DOCK9: variants seen among roughly 807,000 people sequenced by gnomAD.
The protein encoded by DOCK9 is dedicator of cytokinesis 9.
Under a neutral mutation model 263.3 loss-of-function variants are expected in DOCK9, and 89 were observed. The observed-to-expected ratio is 0.34, with a 90% CI of 0.28 to 0.40. The LOEUF (loss-of-function observed/expected upper bound fraction) is 0.40, where lower values mean the gene tolerates loss of function less well. Ranked by LOEUF, DOCK9 falls within the 10% of genes least tolerant of loss-of-function variation. The pLI is 1.00. For missense variants in DOCK9, 2,140 were observed against 2,603.4 expected (o/e 0.82, Z 3.87); for synonymous variants, 976 against 973.1 (o/e 1.00, Z -0.06).
chr13:98,832,709 C>T (rs542915513), intron 39 of DOCK9, among the ~76,000 whole-genome samples: 1 of 152,278 alleles, frequency 6.6e-6, no homozygotes, highest in East Asian at 1.9e-4. Context: ...AATGACACAC[C>T]ACCACCTTCC....
chr13:99,079,454 C>G (rs537485671), intron 1 of DOCK9, among the ~76,000 whole-genome samples: 6 of 152,328 alleles, frequency 3.9e-5, no homozygotes, highest in African/African-American at 1.4e-4. Flanking sequence ...TCAATAAATG[C>G]TGGCTCCAGA....
chr13:98,980,051 G>C (rs184937321), upstream of DOCK9, among the ~76,000 whole-genome samples: 2 of 152,294 alleles, frequency 1.3e-5, no homozygotes, highest in African/African-American at 4.8e-5. Context: ...TTTGAGACAG[G>C]GTCTTGCTCT....
intron 3 of DOCK9, 139 bp downstream of exon 3, chr13:98,930,029 C>T: frequency 1.3e-6 from 1 of 747,032 alleles, no homozygotes; most frequent in Non-Finnish European, 2.2e-6. Flanking sequence ...GAAAAATTCA[C>T]ATTATTCTAT....
chr13:98,987,141 AAGATTTGATT>A (rs1480665198), intron 1 of DOCK9, among the ~76,000 whole-genome samples: 1 of 152,176 alleles, frequency 6.6e-6, no homozygotes, highest in African/African-American at 2.4e-5. Flanking sequence ...AAATTGCTTA[AAGATTTGATT>A]TTAAATGTTC....
chr13:99,003,317 C>G (rs990260965), intron 1 of DOCK9, among the ~76,000 whole-genome samples: 7 of 152,168 alleles, frequency 4.6e-5, no homozygotes, highest in African/African-American at 1.7e-4. Context: ...AGGCTCTCCC[C>G]ATCCCTGAGC....
intron 9 of DOCK9, among the ~76,000 whole-genome samples, chr13:98,911,855 C>A (rs532453174): frequency 1.4e-5 from 2 of 147,480 alleles, no homozygotes; most frequent in Admixed American, 7.0e-5. Flanking sequence ...CCATTCAATT[C>A]TATTACATTA....
chr13:98,950,471 A>T, intron 2 of DOCK9: 2 of 542,952 alleles, frequency 3.7e-6, no homozygotes, highest in South Asian at 4.5e-5. Context: ...AATATTTTTT[A>T]AATTTATTTT....
intron 1 of DOCK9, among the ~76,000 whole-genome samples, chr13:99,075,284 T>G (rs2041863072): frequency 1.3e-5 from 2 of 152,104 alleles, no homozygotes; most frequent in African/African-American, 4.8e-5. Flanking sequence ...ACAATACACT[T>G]ATTTTTTTAA....
intron 1 of DOCK9, among the ~76,000 whole-genome samples, chr13:99,042,890 G>A (rs1189550876): frequency 6.6e-6 from 1 of 152,026 alleles, no homozygotes; most frequent in African/African-American, 2.4e-5. Context: ...CAGATCTTTT[G>A]CCATGTAGCC....
chr13:99,067,974 G>C (rs1014707929), intron 1 of DOCK9, among the ~76,000 whole-genome samples: 1 of 149,808 alleles, frequency 6.7e-6, no homozygotes, highest in Non-Finnish European at 1.5e-5. Context: ...CCATCAAATA[G>C]AGTTCCCTAA....
At chr13:98,866,691 C>T (rs137927703) in intron 30 of DOCK9, among the ~76,000 whole-genome samples, 346 of 152,278 alleles carry the variant, frequency 2.3e-3, no homozygotes, top group Non-Finnish European at 3.7e-3. Flanking sequence ...AACATACAAA[C>T]ATTAAAAGCA....
At chr13:98,886,494 C>T in intron 19 of DOCK9, 38 bp downstream of exon 19, 2 of 1,585,192 alleles carry the variant, frequency 1.3e-6, no homozygotes, top group Non-Finnish European at 8.6e-7. Flanking sequence ...TCCCTTAAAA[C>T]TGGTCAAATT....
In DOCK9 at chr13:98,867,804, C is replaced by T. The variant is rs532257338; in HGVS notation, c.3174+124G>A. ...ACTTCAGGTAGCTTATAATTACAGA[C>T]ACAGGCTCAATACAATAAAAAAATT... On this transcript the variant is annotated intron_variant, in intron 29 of 52. Transcript: ENST00000682017. 113 of 921,906 alleles carry T rather than the reference C, an allele frequency of 1.2e-4. 2 individuals carry two copies. In the South Asian group the frequency reaches 1.7e-3, roughly 14 times the overall value. 57.1% of individuals were successfully genotyped at this position (921,906 alleles called of 1,614,324 possible).
upstream of DOCK9, among the ~76,000 whole-genome samples, chr13:99,086,832 G>C (rs1403707176): frequency 6.6e-6 from 1 of 150,554 alleles, no homozygotes; most frequent in Non-Finnish European, 1.5e-5. Flanking sequence ...CGTGCCGCGC[G>C]GGACCCTCAC....
At chr13:98,972,734 G>A (rs1223047206) in intron 1 of DOCK9, among the ~76,000 whole-genome samples, 3 of 152,218 alleles carry the variant, frequency 2.0e-5, no homozygotes, top group African/African-American at 7.2e-5. Context: ...CCTTCCTGGA[G>A]CTGCTGATGG....
chr13:98,829,051 G>A lies in DOCK9; in HGVS notation c.4965+256C>T, dbSNP rs2092659621. On this transcript the variant is annotated intron_variant, in intron 43 of 52. Transcript: ENST00000682017. This position sits in a 1 kb window ranked among gnomAD's most constrained non-coding sequence, Gnocchi z 4.1. Reference sequence around the variant, plus strand: ...ATTTTGATGTGTATTTTAATTAGCAGGAGACTGTATGAATAGGTTTAAGAG... The same window carrying A: ...ATTTTGATGTGTATTTTAATTAGCAAGAGACTGTATGAATAGGTTTAAGAG... Among the ~76,000 whole-genome samples, 1 of 152,132 alleles carries A rather than the reference G, an allele frequency of 6.6e-6. No homozygotes were observed. The highest frequency in any genetic ancestry group is 1.5e-5 in the Non-Finnish European group (1 of 68,024).
At chr13:98,797,517 C>G (rs976687404) in intron 50 of DOCK9, 28 bp from the exon 51 acceptor site, 1 of 1,569,860 alleles carries the variant, frequency 6.4e-7, no homozygotes, top group Admixed American at 1.8e-5. Flanking sequence ...ATTTTCAGTT[C>G]CACTAGGAAG....
At chr13:98,951,630 A>G (rs1218489905) in intron 2 of DOCK9, among the ~76,000 whole-genome samples, 1 of 152,216 alleles carries the variant, frequency 6.6e-6, no homozygotes, top group Non-Finnish European at 1.5e-5. Flanking sequence ...TAGGAAAGGA[A>G]TTGAGACAGT....
intron 5 of DOCK9, 49 bp from the exon 6 acceptor site, chr13:98,922,195 G>T: frequency 7.0e-7 from 1 of 1,432,796 alleles, no homozygotes; most frequent in Non-Finnish European, 9.6e-7. Flanking sequence ...TATTACCTGG[G>T]TTGCTTGCTG....
Sources: allele counts gnomAD v4.1 joint callset (sites outside exome capture counted in the v4.1 genomes callset), GRCh38; gene constraint gnomAD v4.1.1; non-coding constraint Gnocchi (gnomAD v3.1); transcripts MANE v1.5; gene names NCBI Gene and HGNC (gene_info 2026-07-23, HGNC 2026-07-21).